The following DPH7 variants were observed in gnomAD, a reference collection of about 807,000 sequenced individuals.
DPH7 encodes diphthamide biosynthesis 7.
In DPH7, 44 loss-of-function variants were observed where a neutral mutation model predicts 41.7. The ratio of observed to expected loss-of-function variants is 1.05; its 90% CI spans 0.83 to 1.36. DPH7 has a LOEUF of 1.36. Ranked by LOEUF, DPH7 falls within the 40% of genes most tolerant of loss-of-function variation. The pLI, the probability that DPH7 is intolerant of heterozygous loss-of-function variation, is 0.00. For missense variants in DPH7, 629 were observed against 577.5 expected, an observed-to-expected ratio of 1.09 and a Z score of -0.91; for synonymous variants, 275 against 238.0, an observed-to-expected ratio of 1.16 and a Z score of -1.43.
chr9:137,577,957 C>G, intron 1 of DPH7: 2 of 984,684 alleles, frequency 2.0e-6, no homozygotes, highest in Non-Finnish European at 2.4e-6. Flanking sequence ...TTCCCACTTT[C>G]TCTTTACTGT....
rs545935426 is a variant in DPH7 at position 137,574,068 on chromosome 9, A to G, written c.640+140T>C. The G allele has an allele frequency of 3.8e-5, 38 of 1,011,992 alleles. No individual in the cohort carries two copies. In the South Asian group the frequency reaches 5.5e-4, roughly 15 times the overall value. 62.7% of individuals were successfully genotyped at this position (1,011,992 alleles called of 1,614,324 possible). On this transcript the variant is annotated intron_variant, in intron 5 of 8. Transcript: ENST00000277540. ...CAAAAGAGCAAGACTCAGTTTCAAA[A>G]AAAAAAGTACACTTTCCATAAAAGG...
chr9:137,565,226 T>C (rs901056057), intron 5 of DPH7, 72 bp from the exon 6 acceptor site: 6 of 1,533,078 alleles, frequency 3.9e-6, no homozygotes, highest in Non-Finnish European at 5.4e-6. Context: ...GCCGTTGATG[T>C]CTGTGAGGAA....
In DPH7 at chr9:137,565,151, C is replaced by A. The variant is rs756914414; in HGVS notation, c.644G>T (p.Gly215Val). Residue 215 changes from glycine to valine, a missense_variant, in exon 6 of 9, where the codon GGC becomes GTC. Transcript: ENST00000277540. ...YWHPEIVYSG[G>V]DDGLLRGWDT... ...CCAGCCCCTCAGAAGGCCATCGTCGCCCCCTGTGTGGAGAAAGAGAAGCAT... is the reference window on the plus strand; with the variant it reads ...CCAGCCCCTCAGAAGGCCATCGTCGACCCCTGTGTGGAGAAAGAGAAGCAT... 2 of 1,613,876 alleles carry A rather than the reference C, an allele frequency of 1.2e-6. No homozygotes were observed. The highest frequency in any genetic ancestry group is 1.7e-6 in the Non-Finnish European group (2 of 1,179,912).
At position 137,564,319 on chromosome 9, in the gene DPH7, G is replaced by A. The variant is rs945053794; in HGVS notation, c.949+115C>T. The A allele has an allele frequency of 6.8e-6, 9 of 1,327,454 alleles. No homozygotes were observed. In the Admixed American group the frequency reaches 1.8e-4, roughly 27 times the overall value. 82.2% of individuals were successfully genotyped at this position (1,327,454 alleles called of 1,614,324 possible). ...GACGCTGGGAGTGTGTAAAAGCTGA[G>A]GGAAGAGCCCAGCAGAGCAAGGGAG... On this transcript the variant is annotated intron_variant, in intron 8 of 8. Transcript: ENST00000277540.
intron 3 of DPH7, chr9:137,575,125 A>T (rs1240769991): frequency 1.3e-5 from 15 of 1,172,430 alleles, no homozygotes; most frequent in Admixed American, 4.3e-5. Context: ...CCCCCTTGCC[A>T]TCCTTGCGCT....
rs755260039 is a variant in DPH7, at chr9:137,574,769, G to A, written c.450C>T (p.Ser150=). 2 of 1,613,952 alleles carry A rather than the reference G, an allele frequency of 1.2e-6. No homozygotes were observed. Among genetic ancestry groups the A allele is most frequent in the South Asian group, 2.2e-5 (2 of 91,074 alleles). ...GCCCTTACCTTCCAGTTTTCCCAGT[G>A]GACCAATCTAGGGACAAAGCCAGAC... ...EQCLALSLDW[S]TGKTGRAGDQ... is the part of the protein sequence containing the mutation. The change falls in exon 4 of 9, where the codon TCC becomes TCT. Residue 150 remains serine, a synonymous_variant. Transcript: ENST00000277540.
chr9:137,575,242 G>C, intron 3 of DPH7: 1 of 999,624 alleles, frequency 1.0e-6, no homozygotes, highest in African/African-American at 1.7e-5. Context: ...CCGAGACAGA[G>C]ACAATGGGGA....
chr9:137,573,360 CAAAAAAAAAA>C (rs34523698), intron 5 of DPH7, among the ~76,000 whole-genome samples: 1 of 40,278 alleles, frequency 2.5e-5, no homozygotes, highest in East Asian at 7.0e-4. Flanking sequence ...GACTCCATCT[CAAAAAAAAAA>C]AAAAAAAAAA....
chr9:137,570,082 C>T (rs1840165529), intron 5 of DPH7, among the ~76,000 whole-genome samples: 1 of 151,588 alleles, frequency 6.6e-6, no homozygotes, highest in Non-Finnish European at 1.5e-5. Context: ...CACTCATCCA[C>T]CCACCATCCA....
Position 137,565,150 on chromosome 9 carries a change from GC to G in DPH7, c.644del (p.Gly215AlafsTer6). Reference sequence around the variant, plus strand: ...CCCAGCCCCTCAGAAGGCCATCGTCGCCCCCTGTGTGGAGAAAGAGAAGCAT... The same window carrying G: ...CCCAGCCCCTCAGAAGGCCATCGTCGCCCCTGTGTGGAGAAAGAGAAGCAT... ...YWHPEIVYSG[G>X]DDGLLRGWDT... On this transcript the variant is annotated frameshift_variant, in exon 6 of 9. Transcript: ENST00000277540. LOFTEE classifies it high-confidence loss of function. The G allele has an allele frequency of 6.2e-7, 1 of 1,613,962 alleles. No individual in the cohort carries two copies. Among genetic ancestry groups the G allele is most frequent in the East Asian group, 2.2e-5 (1 of 44,888 alleles).
rs1837131857 is a variant in DPH7 at position 137,554,449 on chromosome 9, G to A, written c.*790C>T. Among the ~76,000 whole-genome samples the A allele has an allele frequency of 6.6e-6, 1 of 152,074 alleles. No homozygotes were observed. Among genetic ancestry groups the A allele is most frequent in the Admixed American group, 6.6e-5 (1 of 15,260 alleles). ...CTGTAACTGGTTGTCCTCAATTATT[G>A]TTTATACAATTTTTTATTATTTAAT... On this transcript the variant is annotated 3_prime_UTR_variant, in exon 9 of 9. Coordinates refer to ENST00000277540, the MANE Select transcript of DPH7 (RefSeq NM_138778.5).
rs1841919045 is a variant in DPH7, at chr9:137,578,862, G to C, written c.-85C>G. On this transcript the variant is annotated 5_prime_UTR_variant, in exon 1 of 9. Coordinates refer to ENST00000277540, the MANE Select transcript of DPH7 (RefSeq NM_138778.5). The stretch of plus-strand genomic sequence containing the variant: ...GGTACTGCGCGGGGCGGCGAGGCCG[G>C]GGCCGGCCGGACGAGCGCAGAGCCC... The C allele has an allele frequency of 1.5e-6, 2 of 1,297,954 alleles. No homozygotes were observed. Among genetic ancestry groups the C allele is most frequent in the Middle Eastern group, 2.9e-4 (1 of 3,464 alleles). The allele number at this position is 1,297,954 out of a possible 1,614,324, so 80.4% of individuals were successfully genotyped here. A position where few individuals can be genotyped will look rare whatever the true frequency, so the allele number is the denominator to read the frequency against.
In DPH7 at chr9:137,574,734, ACCAAGCCTGG is replaced by A. The variant is rs533129806; in HGVS notation, c.467+8_467+17del. On this transcript the variant is annotated splice_region_variant and intron_variant, in intron 4 of 8. Coordinates refer to ENST00000277540, the MANE Select transcript of DPH7 (RefSeq NM_138778.5). ...CTCAGAGAAAGACTCAGGACCCCTG[ACCAAGCCTGG>A]CCCTTACCTTCCAGTTTTCCCAGTG... 7,719 of 1,612,618 alleles carry A rather than the reference ACCAAGCCTGG, an allele frequency of 4.8e-3. 369 individuals carry two copies. The South Asian group carries it at 0.079, about 16-fold the overall frequency.
chr9:137,576,889 C>CAA (rs34721314), intron 2 of DPH7, among the ~76,000 whole-genome samples: 4 of 117,748 alleles, frequency 3.4e-5, no homozygotes, highest in African/African-American at 3.2e-5. Flanking sequence ...GACTCCGTCT[C>CAA]AAAAAAAAAA....
chr9:137,560,679 C>T (rs947795480), intron 8 of DPH7, among the ~76,000 whole-genome samples: 6 of 152,106 alleles, frequency 3.9e-5, no homozygotes, highest in Admixed American at 1.3e-4. Context: ...ACGGTGAAAC[C>T]CCGTCTCTAC....
Position 137,556,683 on chromosome 9 carries a change from C to A in DPH7, c.950-1035G>T, listed in dbSNP as rs575993713. On this transcript the variant is annotated intron_variant, in intron 8 of 8. Coordinates refer to ENST00000277540, the MANE Select transcript of DPH7 (RefSeq NM_138778.5). The surrounding 1 kb of genome is among the most constrained non-coding windows in gnomAD (Gnocchi z 5.2). The stretch of plus-strand genomic sequence containing the variant: ...CGAGCAGCATGTGTGGGGCGACCCT[C>A]GGGAGGAAGCCCCTGGGGAGGCCGT... 1 of 373,058 alleles carries A rather than the reference C, an allele frequency of 2.7e-6. No individual in the cohort carries two copies. Among genetic ancestry groups the A allele is most frequent in the Admixed American group, 3.3e-5 (1 of 30,322 alleles). The allele number at this position is 373,058 out of a possible 1,614,324, so 23.1% of individuals were successfully genotyped here.
intron 5 of DPH7, among the ~76,000 whole-genome samples, chr9:137,572,986 C>A (rs1009867727): frequency 1.3e-5 from 2 of 152,172 alleles, no homozygotes; most frequent in South Asian, 4.1e-4. Flanking sequence ...TGGCTCTGCC[C>A]ACAGGTGCCT....
chr9:137,564,013 A>C (rs1839097376), intron 8 of DPH7, among the ~76,000 whole-genome samples: 2 of 152,168 alleles, frequency 1.3e-5, no homozygotes, highest in Non-Finnish European at 2.9e-5. Flanking sequence ...CCAGAGTGTG[A>C]GAAAGGGATG....
At chr9:137,560,855 C>CA (rs35798746) in intron 8 of DPH7, among the ~76,000 whole-genome samples, 11,853 of 123,320 alleles carry the variant, frequency 0.096, 604 homozygotes, top group Middle Eastern at 0.23. Context: ...GACTCTGTCT[C>CA]AAAAAAAAAA....
Sources: allele counts gnomAD v4.1 joint callset (sites outside exome capture counted in the v4.1 genomes callset), GRCh38; gene constraint gnomAD v4.1.1; non-coding constraint Gnocchi (gnomAD v3.1); transcripts MANE v1.5; gene names NCBI Gene and HGNC (gene_info 2026-07-23, HGNC 2026-07-21).